Variants in ENTPD7 observed in about 807,000 individuals in gnomAD.
The protein encoded by ENTPD7 is NTPDase 7.
ENTPD7 carries 53 observed loss-of-function variants against 77.9 expected under a neutral mutation model. That is an observed-to-expected ratio of 0.68 (90% CI 0.55 to 0.85). ENTPD7 has a LOEUF of 0.85. Among genes scored for constraint, ENTPD7 ranks in the 40% least tolerant of loss-of-function variants. The pLI is 0.00. For missense variants in ENTPD7, 636 were observed against 743.7 expected (o/e 0.86, Z 1.68); for synonymous variants, 248 against 274.9 (o/e 0.90, Z 0.97).
At chr10:99,664,810 A>G (rs1217406440) in intron 3 of ENTPD7, among the ~76,000 whole-genome samples, 2 of 152,148 alleles carry the variant, frequency 1.3e-5, no homozygotes, top group Non-Finnish European at 2.9e-5. Context: ...GCTGCAAATA[A>G]CAGCCCACAT....
chr10:99,679,520 G>A, intron 4 of ENTPD7, 54 bp downstream of exon 4: 1 of 1,530,606 alleles, frequency 6.5e-7, no homozygotes, highest in Admixed American at 2.1e-5. Flanking sequence ...TGAAAGAGGA[G>A]ACAAAAGAAG....
chr10:99,664,306 G>T, intron 3 of ENTPD7, among the ~76,000 whole-genome samples: 1 of 151,962 alleles, frequency 6.6e-6, no homozygotes, highest in South Asian at 2.1e-4. Flanking sequence ...TGTCACCCAG[G>T]CTGGAGTACA....
intron 5 of ENTPD7, among the ~76,000 whole-genome samples, chr10:99,681,410 C>G (rs1471958418): frequency 2.0e-5 from 3 of 152,102 alleles, no homozygotes; most frequent in Non-Finnish European, 4.4e-5. Context: ...TCCCAAGTAT[C>G]TGGGACCACA....
intron 3 of ENTPD7, among the ~76,000 whole-genome samples, chr10:99,673,094 AGAG>A (rs1363437961): frequency 6.6e-6 from 1 of 152,212 alleles, no homozygotes; most frequent in Non-Finnish European, 1.5e-5. Context: ...TTTCTTAAAC[AGAG>A]GAGGTGTGTG....
intron 6 of ENTPD7, 131 bp from the exon 7 acceptor site, chr10:99,688,563 A>G: frequency 2.7e-6 from 2 of 739,014 alleles, no homozygotes; most frequent in Non-Finnish European, 4.2e-6. Context: ...AAATTCCTAC[A>G]TTGAGAGTAT....
intron 11 of ENTPD7, among the ~76,000 whole-genome samples, chr10:99,701,875 C>T (rs2036138533): frequency 6.6e-6 from 1 of 151,824 alleles, no homozygotes; most frequent in African/African-American, 2.4e-5. Flanking sequence ...TGGCGAAACC[C>T]TGTCTCCACT....
Position 99,704,484 on chromosome 10 carries a change from A to G in ENTPD7, c.1616A>G (p.His539Arg). 6.2e-7 allele frequency: 1 copy of G among 1,614,218 alleles called. No individual in the cohort carries two copies. The highest frequency in any genetic ancestry group is 8.5e-7 in the Non-Finnish European group (1 of 1,180,028). The change falls in exon 13 of 13, where the codon CAT becomes CGT. Residue 539 changes from histidine (H) to arginine (R), a missense_variant. His to Arg is a conservative substitution (Grantham distance 29). Coordinates refer to ENST00000370489, the MANE Select transcript of ENTPD7 (RefSeq NM_020354.5). ...CGGCAGGAAGGTGTCCGACAAGCCC[A>G]TGGTAGCTGGTTCCGTCTCTCCTTT... Reference protein sequence around the residue: ...DLRQEGVRQAHGSWFRLSFVY... With the variant: ...DLRQEGVRQARGSWFRLSFVY...
At chr10:99,688,306 C>A (rs753807718) in intron 6 of ENTPD7, among the ~76,000 whole-genome samples, 1 of 152,162 alleles carries the variant, frequency 6.6e-6, no homozygotes, top group Non-Finnish European at 1.5e-5. Flanking sequence ...CATTTACTTT[C>A]AGAGTTTCCA....
In ENTPD7 at chr10:99,710,144, T is replaced by C. The variant is rs1443758535; in HGVS notation, c.*5461T>C. The C allele has an allele frequency of 4.7e-5, 46 of 985,264 alleles. No individual in the cohort carries two copies. In the Admixed American group the frequency reaches 6.2e-4, roughly 13 times the overall value. 61.0% of individuals were successfully genotyped at this position (985,264 alleles called of 1,614,324 possible). ...ATACCCTCTGGTGGCCACTCCTCCT[T>C]CTCCACTCCAAGGCAGCCCTGGTAC... is the stretch of plus-strand genomic sequence containing the variant. On this transcript the variant is annotated 3_prime_UTR_variant, in exon 13 of 13. Transcript: ENST00000370489.
chr10:99,661,757 TAAA>T, intron 3 of ENTPD7, 129 bp downstream of exon 3: 1 of 846,182 alleles, frequency 1.2e-6, no homozygotes, highest in Non-Finnish European at 1.7e-6. Flanking sequence ...ATTTATTACA[TAAA>T]GAAGATTTTA....
At chr10:99,701,742 T>C (rs1466511601) in intron 11 of ENTPD7, among the ~76,000 whole-genome samples, 3 of 152,008 alleles carry the variant, frequency 2.0e-5, no homozygotes, top group Non-Finnish European at 4.4e-5. Flanking sequence ...TTTTTAAATG[T>C]TTTAGTTAAA....
At position 99,709,243 on chromosome 10, in the gene ENTPD7, CAG is replaced by C; in HGVS notation, c.*4563_*4564del. On this transcript the variant is annotated 3_prime_UTR_variant, in exon 13 of 13. Transcript: ENST00000370489. ...CAGTTTCCAGACTCTGTTACAGAAA[CAG>C]AGGGCTGTTTCTTTTTGTTGTCTTT... The C allele has an allele frequency of 3.0e-6, 3 of 985,342 alleles. No individual in the cohort carries two copies. The highest frequency in any genetic ancestry group is 3.6e-6 in the Non-Finnish European group (3 of 829,876). The allele number at this position is 985,342 out of a possible 1,614,324, so 61.0% of individuals were successfully genotyped here.
At chr10:99,696,237 A>C (rs758988340) in intron 9 of ENTPD7, 115 bp downstream of exon 9, 16 of 1,265,840 alleles carry the variant, frequency 1.3e-5, no homozygotes, top group African/African-American at 3.0e-5. Context: ...CTTCTTTCTG[A>C]CTACCCCTGC....
Position 99,710,957 on chromosome 10 carries a change from T to G in ENTPD7, c.*6274T>G. 1 of 985,326 alleles carries G rather than the reference T, an allele frequency of 1.0e-6. No homozygotes were observed. The highest frequency in any genetic ancestry group is 1.7e-5 in the African/African-American group (1 of 57,368). 61.0% of individuals were successfully genotyped at this position (985,326 alleles called of 1,614,324 possible). A position where few individuals can be genotyped will look rare whatever the true frequency, so the allele number is the denominator to read the frequency against. Reference sequence around the variant, plus strand: ...ACCTTTGAAAATATTAAGGGAAATCTATTTAATCCTATAGGTATGTGATGA... The same window carrying G: ...ACCTTTGAAAATATTAAGGGAAATCGATTTAATCCTATAGGTATGTGATGA... On this transcript the variant is annotated 3_prime_UTR_variant, in exon 13 of 13. Coordinates refer to ENST00000370489, the MANE Select transcript of ENTPD7 (RefSeq NM_020354.5).
At chr10:99,702,797 A>C in intron 12 of ENTPD7, 124 bp downstream of exon 12, 1 of 822,658 alleles carries the variant, frequency 1.2e-6, no homozygotes, top group Non-Finnish European at 1.7e-6. Context: ...CTTCCTCTCT[A>C]CCCCCTCACA....
At chr10:99,664,674 C>T (rs2035527116) in intron 3 of ENTPD7, among the ~76,000 whole-genome samples, 1 of 151,730 alleles carries the variant, frequency 6.6e-6, no homozygotes, top group Non-Finnish European at 1.5e-5. Flanking sequence ...TGGTCTCGAT[C>T]TCCTGACCTT....
At position 99,708,522 on chromosome 10, in the gene ENTPD7, TCAAA is replaced by T. The variant is rs1002959756; in HGVS notation, c.*3844_*3847del. 1.3e-5 allele frequency among the ~76,000 whole-genome samples: 2 copies of T among 152,148 alleles called. No individual in the cohort carries two copies. The highest frequency in any genetic ancestry group is 6.5e-5 in the Admixed American group (1 of 15,272). ...CCATCTCTGGTTCGGTTCTCATCTA[TCAAA>T]CAAAGAGGCTAGACAAGATTAGAAA... On this transcript the variant is annotated 3_prime_UTR_variant, in exon 13 of 13. Transcript: ENST00000370489.
intron 3 of ENTPD7, among the ~76,000 whole-genome samples, chr10:99,666,741 C>T (rs1386133375): frequency 2.0e-5 from 3 of 152,226 alleles, no homozygotes; most frequent in African/African-American, 7.2e-5. Flanking sequence ...CATTAGCCTA[C>T]TGTTGTGCAA....
In ENTPD7 at chr10:99,679,430, C is replaced by T. The variant is rs767501634; in HGVS notation, c.361C>T (p.Arg121Cys). ...GCTGGACATCAAACAGATGAGAGAC[C>T]GCAACAGCCAACCAGTGGTTAAAAA... ...DLLDIKQMRDRNSQPVVKKIK... is the reference protein window; with the variant it reads ...DLLDIKQMRDCNSQPVVKKIK... The change falls in exon 4 of 13, where the codon CGC becomes TGC. Residue 121 changes from arginine (R) to cysteine (C), a missense_variant. Physicochemically the swap from Arg to Cys is radical, Grantham distance 180 (BLOSUM62 -3). Coordinates refer to ENST00000370489, the MANE Select transcript of ENTPD7 (RefSeq NM_020354.5). The T allele has an allele frequency of 1.1e-5, 17 of 1,613,816 alleles. No homozygotes were observed. The highest frequency in any genetic ancestry group is 3.3e-5 in the South Asian group (3 of 91,014).
Sources: gnomAD v4.1 joint callset for allele counts (sites outside exome capture counted in the v4.1 genomes callset) on GRCh38, gnomAD v4.1.1 for gene constraint, MANE v1.5 for transcripts, NCBI Gene and HGNC (gene_info 2026-07-23, HGNC 2026-07-21) for gene names.